GPC5: variants seen among roughly 807,000 people sequenced by gnomAD.
GPC5 encodes the protein glypican-5.
GPC5 carries 47 observed loss-of-function variants against 53.9 expected under a neutral mutation model. The ratio of observed to expected loss-of-function variants is 0.87; its 90% CI spans 0.69 to 1.11. GPC5 has a LOEUF of 1.11. GPC5 is among the 50% of genes most tolerant of loss of function. The pLI is 0.00. For missense variants in GPC5, 748 were observed against 713.1 expected (o/e 1.05, Z -0.56); for synonymous variants, 286 against 263.3 (o/e 1.09, Z -0.84).
chr13:92,085,862 G>T (rs950501081), intron 6 of GPC5, among the ~76,000 whole-genome samples: 1 of 152,110 alleles, frequency 6.6e-6, no homozygotes, highest in Admixed American at 6.5e-5. Context: ...AGGAGCTCAG[G>T]GGGTAACAAG....
chr13:92,728,939 G>T (rs1010712535), intron 7 of GPC5, among the ~76,000 whole-genome samples: 1 of 151,462 alleles, frequency 6.6e-6, no homozygotes, highest in Middle Eastern at 3.4e-3. Context: ...CTAGGGCAAA[G>T]AGTCGATTTA....
At chr13:92,015,764 A>G (rs113433964) in intron 6 of GPC5, among the ~76,000 whole-genome samples, 8 of 152,296 alleles carry the variant, frequency 5.3e-5, no homozygotes, top group African/African-American at 1.9e-4. Context: ...TTTACAAACT[A>G]TTTCAGATTC....
intron 7 of GPC5, among the ~76,000 whole-genome samples, chr13:92,378,523 G>A (rs2043713079): frequency 6.6e-6 from 1 of 152,166 alleles, no homozygotes; most frequent in Admixed American, 6.5e-5. Context: ...TTTGTCTTGA[G>A]ATTATGATTA....
intron 5 of GPC5, among the ~76,000 whole-genome samples, chr13:91,757,198 C>T (rs1361596112): frequency 1.3e-5 from 2 of 151,962 alleles, no homozygotes; most frequent in African/African-American, 4.8e-5. Context: ...TTTGCCAATA[C>T]TGGTGGTTAT....
intron 6 of GPC5, chr13:91,994,530 C>T (rs774465929): frequency 5.9e-5 from 9 of 152,154 alleles, no homozygotes; most frequent in Non-Finnish European, 5.9e-5. Context: ...AATTAAACTT[C>T]GAGCACAGTC....
intron 1 of GPC5, among the ~76,000 whole-genome samples, chr13:91,419,793 G>A (rs949786616): frequency 2.0e-5 from 3 of 152,118 alleles, no homozygotes; most frequent in South Asian, 2.1e-4. Context: ...TTAAACATGC[G>A]AATTGATCCT....
intron 6 of GPC5, among the ~76,000 whole-genome samples, chr13:91,926,904 G>T (rs973551228): frequency 2.0e-5 from 3 of 152,086 alleles, no homozygotes; most frequent in African/African-American, 7.2e-5. Context: ...TTGCTACATA[G>T]TTTCTACCAT....
intron 7 of GPC5, among the ~76,000 whole-genome samples, chr13:92,440,061 G>C (rs936621713): frequency 6.6e-6 from 1 of 152,160 alleles, no homozygotes; most frequent in Non-Finnish European, 1.5e-5. Flanking sequence ...GGAGCCACTG[G>C]TGAAGACAAA....
chr13:92,516,266 T>C (rs918149705), intron 7 of GPC5, among the ~76,000 whole-genome samples: 1 of 152,130 alleles, frequency 6.6e-6, no homozygotes, highest in African/African-American at 2.4e-5. Flanking sequence ...ATAATCCATA[T>C]AGCAATAGTT....
intron 7 of GPC5, among the ~76,000 whole-genome samples, chr13:92,453,234 T>C (rs944277418): frequency 2.0e-5 from 3 of 152,240 alleles, no homozygotes; most frequent in African/African-American, 7.2e-5. Flanking sequence ...AAATTGTACA[T>C]AGCATTGAAA....
chr13:92,865,183 G>A (rs1040740888), intron 7 of GPC5, among the ~76,000 whole-genome samples: 13 of 152,010 alleles, frequency 8.6e-5, no homozygotes, highest in Admixed American at 1.3e-4. Flanking sequence ...GTTTCATAAC[G>A]TACGGAAGTA....
At chr13:92,830,631 AGCTTTATATT>A (rs1871360991) in intron 7 of GPC5, among the ~76,000 whole-genome samples, 1 of 152,140 alleles carries the variant, frequency 6.6e-6, no homozygotes. Context: ...TTTTTAAAAA[AGCTTTATATT>A]ATAAAGGAGT....
chr13:92,609,784 C>A (rs1566318087), intron 7 of GPC5, among the ~76,000 whole-genome samples: 2 of 152,100 alleles, frequency 1.3e-5, no homozygotes, highest in Non-Finnish European at 2.9e-5. Context: ...GTAATCCCAG[C>A]ACTTTTGGGA....
chr13:91,984,406 T>C (rs911642627), intron 6 of GPC5, among the ~76,000 whole-genome samples: 1 of 152,226 alleles, frequency 6.6e-6, no homozygotes, highest in African/African-American at 2.4e-5. Context: ...CCAATGGCAT[T>C]GAGTAGAACT....
chr13:91,942,064 C>T (rs951428948), intron 6 of GPC5, among the ~76,000 whole-genome samples: 1 of 152,004 alleles, frequency 6.6e-6, no homozygotes, highest in African/African-American at 2.4e-5. Flanking sequence ...GTGATAAGAA[C>T]ATTTAAGATC....
chr13:92,756,403 C>T (rs1438700752), intron 7 of GPC5, among the ~76,000 whole-genome samples: 4 of 151,546 alleles, frequency 2.6e-5, no homozygotes, highest in African/African-American at 9.7e-5. Context: ...TGGAAGCATT[C>T]CCTTTGAAAA....
chr13:92,469,641 T>A lies in GPC5; in HGVS notation c.1561+324652T>A, dbSNP rs183632367. Among the ~76,000 whole-genome samples the A allele has an allele frequency of 4.1e-3, 626 of 152,276 alleles. 7 individuals carry two copies. The highest frequency in any genetic ancestry group is 0.014 in the African/African-American group (592 of 41,580). ...TTAAATCTTGTCTGTACAATTGTTC[T>A]ATTTGTATAGTGCAGAATAGACAGA... is the stretch of plus-strand genomic sequence containing the variant. On this transcript the variant is annotated intron_variant, in intron 7 of 7. Coordinates refer to ENST00000377067, the MANE Select transcript of GPC5 (RefSeq NM_004466.6).
rs1303361295 is a variant in GPC5, at chr13:91,674,470, TAC to T, written c.326-18708_326-18707del. On this transcript the variant is annotated intron_variant, in intron 2 of 7. Coordinates refer to ENST00000377067, the MANE Select transcript of GPC5 (RefSeq NM_004466.6). ...ACACATACACACACACACGCACATA[TAC>T]ACACACACGCGCATGTGTATATATG... 1.0e-4 allele frequency among the ~76,000 whole-genome samples: 15 copies of T among 149,928 alleles called. 1 individual carries two copies. The highest frequency in any genetic ancestry group is 2.0e-4 in the East Asian group (1 of 5,092).
intron 6 of GPC5, among the ~76,000 whole-genome samples, chr13:92,101,400 G>A (rs181055193): frequency 7.2e-5 from 11 of 152,236 alleles, no homozygotes; most frequent in African/African-American, 2.4e-4. Flanking sequence ...TTTACACATA[G>A]CCTGTTGAGC....
Sources: gnomAD v4.1 joint callset for allele counts (sites outside exome capture counted in the v4.1 genomes callset) on GRCh38, gnomAD v4.1.1 for gene constraint, MANE v1.5 for transcripts, NCBI Gene and HGNC (gene_info 2026-07-23, HGNC 2026-07-21) for gene names.